The following AGBL1 variants were observed in gnomAD, a reference collection of about 807,000 sequenced individuals.
AGBL1 encodes the protein cytosolic carboxypeptidase 4.
In AGBL1, 130 loss-of-function variants were observed where a neutral mutation model predicts 118.9. The observed-to-expected ratio is 1.09, with a 90% CI of 0.95 to 1.26. The LOEUF is 1.26. AGBL1 is among the 50% of genes most tolerant of loss of function. The pLI is 0.00. For synonymous variants in AGBL1, 555 were observed against 478.9 expected, an observed-to-expected ratio of 1.16 and a Z score of -2.08; for missense variants, 1,584 against 1,298.1, an observed-to-expected ratio of 1.22 and a Z score of -3.38.
intron 16 of AGBL1, among the ~76,000 whole-genome samples, chr15:86,293,568 T>C (rs1176789742): frequency 6.6e-6 from 1 of 152,164 alleles, no homozygotes; most frequent in Non-Finnish European, 1.5e-5. Flanking sequence ...CCATTTCAAG[T>C]AGACCTTAAT....
chr15:87,025,143 G>C (rs1038770787), intron 24 of AGBL1, among the ~76,000 whole-genome samples: 1 of 152,000 alleles, frequency 6.6e-6, no homozygotes, highest in African/African-American at 2.4e-5. Flanking sequence ...AATTAGATAA[G>C]AGAAAGAAAT....
intron 17 of AGBL1, among the ~76,000 whole-genome samples, chr15:86,356,559 A>T (rs1807245847): frequency 6.6e-6 from 1 of 152,064 alleles, no homozygotes. Context: ...GCTAGAATCC[A>T]AGCAGATGTC....
chr15:86,247,936 G>A, intron 7 of AGBL1, 57 bp downstream of exon 7: 2 of 1,581,330 alleles, frequency 1.3e-6, no homozygotes, highest in Non-Finnish European at 1.7e-6. Context: ...ATTCCTGAAG[G>A]CTGTCATTTA....
At chr15:86,623,354 G>A (rs892607415) in intron 21 of AGBL1, among the ~76,000 whole-genome samples, 1 of 152,196 alleles carries the variant, frequency 6.6e-6, no homozygotes, top group Non-Finnish European at 1.5e-5. Context: ...CAGAGCACAG[G>A]GTTTGAGGGC....
At chr15:86,604,994 C>A (rs529088203) in intron 21 of AGBL1, among the ~76,000 whole-genome samples, 1 of 152,084 alleles carries the variant, frequency 6.6e-6, no homozygotes, top group Non-Finnish European at 1.5e-5. Context: ...GGGGTTTCTC[C>A]ATGTTGGTCA....
intron 17 of AGBL1, chr15:86,296,230 C>CAAAAAAAAAAAAAAAAAAA (rs1357925219): frequency 7.6e-6 from 1 of 131,900 alleles, no homozygotes; most frequent in Non-Finnish European, 1.6e-5. Context: ...AAAAAAAAAA[C>CAAAAAAAAAAAAAAAAAAA]AAAAAAACAA....
downstream of AGBL1, among the ~76,000 whole-genome samples, chr15:86,918,298 G>T (rs551152259): frequency 3.9e-5 from 6 of 152,202 alleles, no homozygotes; most frequent in African/African-American, 1.4e-4. Context: ...CTTGGGCAAA[G>T]TGAGTGGTTA....
At chr15:86,397,072 T>C (rs1423440339) in intron 17 of AGBL1, among the ~76,000 whole-genome samples, 6 of 152,122 alleles carry the variant, frequency 3.9e-5, no homozygotes, top group Non-Finnish European at 8.8e-5. Flanking sequence ...ATCAGATATG[T>C]GTTAGGAGCA....
At chr15:86,996,844 T>C (rs191616630) in intron 24 of AGBL1, among the ~76,000 whole-genome samples, 1 of 152,276 alleles carries the variant, frequency 6.6e-6, no homozygotes, top group East Asian at 1.9e-4. Context: ...ATGAGAAAAC[T>C]TTGGAGTTCA....
chr15:86,696,090 A>G (rs554507572), intron 22 of AGBL1, among the ~76,000 whole-genome samples: 2 of 152,080 alleles, frequency 1.3e-5, no homozygotes, highest in South Asian at 2.1e-4. Flanking sequence ...GTAAACATCT[A>G]TCAGGTTCAT....
intron 22 of AGBL1, among the ~76,000 whole-genome samples, chr15:86,775,606 A>G (rs189803685): frequency 6.6e-6 from 1 of 152,208 alleles, no homozygotes; most frequent in Admixed American, 6.5e-5. Flanking sequence ...TAACATGAAA[A>G]AGACTTAGTA....
chr15:86,336,835 G>A (rs2080376853), intron 17 of AGBL1, among the ~76,000 whole-genome samples: 1 of 152,164 alleles, frequency 6.6e-6, no homozygotes, highest in Non-Finnish European at 1.5e-5. Context: ...ACAAATGAAA[G>A]GTGCTAGAGG....
intron 22 of AGBL1, among the ~76,000 whole-genome samples, chr15:86,884,669 A>G (rs2079944454): frequency 6.6e-6 from 1 of 152,124 alleles, no homozygotes; most frequent in Non-Finnish European, 1.5e-5. Context: ...AAAATCAGCC[A>G]GATCTGGTGG....
chr15:86,836,700 C>T (rs1253240994), intron 22 of AGBL1, among the ~76,000 whole-genome samples: 2 of 152,084 alleles, frequency 1.3e-5, no homozygotes, highest in African/African-American at 4.8e-5. Flanking sequence ...GTACCCTCCC[C>T]CTCACCTTCA....
At chr15:86,665,438 G>A (rs1316850212) in intron 21 of AGBL1, among the ~76,000 whole-genome samples, 1 of 152,156 alleles carries the variant, frequency 6.6e-6, no homozygotes, top group Non-Finnish European at 1.5e-5. Flanking sequence ...ATTTGGGGCT[G>A]AGAGTAAGCC....
intron 4 of AGBL1, among the ~76,000 whole-genome samples, chr15:86,158,034 A>T (rs891669145): frequency 6.6e-6 from 1 of 152,150 alleles, no homozygotes; most frequent in South Asian, 2.1e-4. Context: ...TGTTTTCCCA[A>T]TTCGGAAGTA....
At chr15:86,769,481 C>A (rs1447034628) in intron 22 of AGBL1, among the ~76,000 whole-genome samples, 1 of 151,878 alleles carries the variant, frequency 6.6e-6, no homozygotes, top group Non-Finnish European at 1.5e-5. Flanking sequence ...ACACAGTTTC[C>A]ATGTCATTGA....
chr15:86,768,033 A>C (rs1176155468), intron 22 of AGBL1, among the ~76,000 whole-genome samples: 2 of 151,994 alleles, frequency 1.3e-5, no homozygotes, highest in Admixed American at 6.6e-5. Context: ...TTTATACAGA[A>C]AGAACTCATC....
At chr15:86,784,068 TG>T (rs139018193) in intron 22 of AGBL1, among the ~76,000 whole-genome samples, 2,135 of 152,324 alleles carry the variant, frequency 0.014, 48 homozygotes, top group African/African-American at 0.049. Context: ...TGTGCAATTT[TG>T]CACAATCTCT....
Sources: gnomAD v4.1 joint callset for allele counts (sites outside exome capture counted in the v4.1 genomes callset) on GRCh38, gnomAD v4.1.1 for gene constraint, MANE v1.5 for transcripts, NCBI Gene and HGNC (gene_info 2026-07-23, HGNC 2026-07-21) for gene names.